ABI3BP: variants seen among roughly 807,000 people sequenced by gnomAD.
ABI3BP encodes ABI family member 3 binding protein, also known as target of Nesh-SH3.
Under a neutral mutation model 268.6 loss-of-function variants are expected in ABI3BP, and 216 were observed. The ratio of observed to expected loss-of-function variants is 0.80; its 90% CI spans 0.72 to 0.90. The LOEUF (loss-of-function observed/expected upper bound fraction) is 0.90. Ranked by LOEUF, ABI3BP falls within the 40% of genes least tolerant of loss-of-function variation. The pLI is 0.00. For missense variants in ABI3BP, 2,090 were observed against 2,182.4 expected (o/e 0.96, Z 0.84); for synonymous variants, 730 against 730.0 (o/e 1.00, Z 0.00).
At chr3:100,882,555 A>T (rs955650696) in intron 6 of ABI3BP, among the ~76,000 whole-genome samples, 15 of 151,968 alleles carry the variant, frequency 9.9e-5, no homozygotes, top group African/African-American at 3.6e-4. Context: ...GAAATAACAA[A>T]GAGTTTTAAA....
chr3:100,772,732 T>C (rs1005347249), intron 61 of ABI3BP, among the ~76,000 whole-genome samples: 9 of 151,996 alleles, frequency 5.9e-5, no homozygotes, highest in African/African-American at 2.2e-4. Context: ...AAGATGAAGA[T>C]TTAAATGTAC....
At chr3:100,858,917 G>A (rs987834257) in intron 14 of ABI3BP, among the ~76,000 whole-genome samples, 1 of 152,168 alleles carries the variant, frequency 6.6e-6, no homozygotes, top group Non-Finnish European at 1.5e-5. Flanking sequence ...TTCTCAACCA[G>A]TCACAGCTTT....
intron 6 of ABI3BP, among the ~76,000 whole-genome samples, chr3:100,879,237 T>G (rs2099200175): frequency 6.6e-6 from 1 of 152,212 alleles, no homozygotes; most frequent in Admixed American, 6.5e-5. Context: ...CTTCTGAGAC[T>G]TTTAAGTGCT....
chr3:100,774,700 T>A (rs753842576), intron 60 of ABI3BP, 27 bp from the exon 61 acceptor site: 6 of 1,498,942 alleles, frequency 4.0e-6, no homozygotes, highest in Non-Finnish European at 5.4e-6. Flanking sequence ...ATGAACAGTT[T>A]TGGCAAAAGA....
chr3:100,850,096 G>T lies in ABI3BP; in HGVS notation c.1450C>A (p.Pro484Thr). 6.2e-7 allele frequency: 1 copy of T among 1,610,378 alleles called. No homozygotes were observed. Among genetic ancestry groups the T allele is most frequent in the Non-Finnish European group, 8.5e-7 (1 of 1,178,346 alleles). Residue 484 changes from proline to threonine, a missense_variant, in exon 17 of 68, where the codon CCT becomes ACT. Coordinates refer to ENST00000471714, the MANE Select transcript of ABI3BP (RefSeq NM_001375547.2). Reference sequence around the variant, plus strand: ...CTGGTAAAGATTTCCAGTTTTTGAGGAACAAATGGTGTTTCACTTGGAGCT... The same window carrying T: ...CTGGTAAAGATTTCCAGTTTTTGAGTAACAAATGGTGTTTCACTTGGAGCT... ...TLAPSETPFV[P>T]QKLEIFTSPE...
intron 11 of ABI3BP, chr3:100,864,566 C>A: frequency 4.5e-6 from 2 of 442,146 alleles, no homozygotes; most frequent in East Asian, 4.2e-5. Context: ...TCTGTATAAC[C>A]CAGAGACTGG....
At chr3:100,967,318 A>G (rs995414186) in intron 1 of ABI3BP, among the ~76,000 whole-genome samples, 3 of 151,976 alleles carry the variant, frequency 2.0e-5, no homozygotes, top group African/African-American at 7.3e-5. Context: ...CCAGGCCAAC[A>G]TGGTGAAATA....
In ABI3BP at chr3:100,864,008, T is replaced by C; in HGVS notation, c.1132A>G (p.Thr378Ala). 6.5e-7 allele frequency: 1 copy of C among 1,531,136 alleles called. No individual in the cohort carries two copies. The allele number at this position is 1,531,136 out of a possible 1,614,324, so 94.8% of individuals were successfully genotyped here. The change falls in exon 12 of 68, where the codon ACT becomes GCT. Residue 378 changes from threonine (T) to alanine (A), a missense_variant. By Grantham distance (58) the Thr-to-Ala change is moderately conservative (BLOSUM62 0). Transcript: ENST00000471714. ...AGTATTTATTATTTTTTACCTAGAG[T>C]GCTCAGTGGCAATTCAAACTGAGGT... The part of the protein sequence containing the change: ...LIPQFELPLS[T>A]LAPKSLPEFP...
At chr3:100,911,605 T>C in intron 2 of ABI3BP, 1 of 683,364 alleles carries the variant, frequency 1.5e-6, no homozygotes, top group Non-Finnish European at 2.7e-6. Flanking sequence ...GAGCTGTGTG[T>C]TTTTACTGCT....
intron 6 of ABI3BP, among the ~76,000 whole-genome samples, chr3:100,882,079 T>A (rs560206914): frequency 6.6e-6 from 1 of 152,352 alleles, no homozygotes; most frequent in South Asian, 2.1e-4. Flanking sequence ...CCATTCCGAA[T>A]ACCTCTTATT....
At chr3:100,868,500 C>G (rs1018073640) in intron 9 of ABI3BP, among the ~76,000 whole-genome samples, 1 of 152,186 alleles carries the variant, frequency 6.6e-6, no homozygotes, top group Non-Finnish European at 1.5e-5. Flanking sequence ...AGACCATCTT[C>G]TTTTCTGTTA....
At chr3:100,832,678 T>C (rs1005224357) in intron 30 of ABI3BP, among the ~76,000 whole-genome samples, 13 of 152,158 alleles carry the variant, frequency 8.5e-5, no homozygotes, top group African/African-American at 3.1e-4. Flanking sequence ...TATTCACTTA[T>C]AATTTAAGAT....
rs2098059041 is a variant in ABI3BP at position 100,816,688 on chromosome 3, C to T, written c.3229G>A (p.Val1077Ile). The T allele has an allele frequency of 6.5e-7, 1 of 1,535,506 alleles. No individual in the cohort carries two copies. The highest frequency in any genetic ancestry group is 8.7e-7 in the Non-Finnish European group (1 of 1,146,392). ...SSPEVPQNKS[V>I]SVTGFEPVVH... Reference sequence around the variant, plus strand: ...TTAAGCCAAGGATTCATACATTTACCCGATTTGTTCTGAGGTACTTCAGGA... The same window carrying T: ...TTAAGCCAAGGATTCATACATTTACTCGATTTGTTCTGAGGTACTTCAGGA... The change falls in exon 43 of 68, where the codon GTT becomes ATT. Residue 1077 changes from valine to isoleucine, a missense_variant and splice_region_variant. Transcript: ENST00000471714.
At chr3:100,817,096 G>A (rs1242495459) in intron 42 of ABI3BP, among the ~76,000 whole-genome samples, 1 of 152,170 alleles carries the variant, frequency 6.6e-6, no homozygotes, top group East Asian at 1.9e-4. Flanking sequence ...TTAGAGTTTA[G>A]TCAGTTTAGA....
intron 1 of ABI3BP, among the ~76,000 whole-genome samples, chr3:100,964,602 T>C (rs141536518): frequency 1.5e-3 from 224 of 152,326 alleles, no homozygotes; most frequent in African/African-American, 5.1e-3. Context: ...TTCACTATTA[T>C]GTGTTTAACA....
chr3:100,756,056 T>C (rs2095600535), intron 63 of ABI3BP, among the ~76,000 whole-genome samples: 2 of 152,208 alleles, frequency 1.3e-5, no homozygotes, highest in African/African-American at 4.8e-5. Context: ...ATTCTAGTGC[T>C]ACAACAATGG....
chr3:100,918,637 C>T (rs1465388771), intron 2 of ABI3BP, among the ~76,000 whole-genome samples: 2 of 151,900 alleles, frequency 1.3e-5, no homozygotes, highest in Non-Finnish European at 2.9e-5. Flanking sequence ...ATGGGCAGCA[C>T]ATAACAAGCA....
At chr3:100,867,140 C>A (rs1037266429) in intron 9 of ABI3BP, among the ~76,000 whole-genome samples, 184 bp from the exon 10 acceptor site, 2 of 152,150 alleles carry the variant, frequency 1.3e-5, no homozygotes, top group Non-Finnish European at 2.9e-5. Flanking sequence ...TTCTTATTAA[C>A]CCTACATAAT....
At chr3:100,943,461 T>G (rs1222788657) in intron 1 of ABI3BP, among the ~76,000 whole-genome samples, 2 of 152,112 alleles carry the variant, frequency 1.3e-5, no homozygotes, top group African/African-American at 4.8e-5. Context: ...ACATTACTGT[T>G]TTCCCCAAAT....
Sources: allele counts gnomAD v4.1 joint callset (sites outside exome capture counted in the v4.1 genomes callset), GRCh38; gene constraint gnomAD v4.1.1; transcripts MANE v1.5; gene names NCBI Gene and HGNC (gene_info 2026-07-23, HGNC 2026-07-21).